The following CILP2 variants were observed in gnomAD, a reference collection of about 807,000 sequenced individuals.
The protein encoded by CILP2 is CILP-2.
In CILP2, 38 loss-of-function variants were observed where a neutral mutation model predicts 45.6. The observed-to-expected ratio is 0.83, with a 90% CI of 0.64 to 1.09. The LOEUF is 1.09. Among genes scored for constraint, CILP2 ranks in the 50% least tolerant of loss-of-function variants. The pLI is 0.00. For synonymous variants in CILP2, 780 were observed against 723.5 expected, an observed-to-expected ratio of 1.08 and a Z score of -1.25; for missense variants, 1,735 against 1,662.2, an observed-to-expected ratio of 1.04 and a Z score of -0.76.
chr19:19,543,094 T>C, intron 6 of CILP2, 122 bp downstream of exon 6: 1 of 986,402 alleles, frequency 1.0e-6, no homozygotes, highest in Non-Finnish European at 1.5e-6. Context: ...ATGAATTGGG[T>C]GGGAGAGGGA....
Position 19,541,083 on chromosome 19 carries a change from T to G in CILP2, c.437-8T>G. 7.9e-7 allele frequency: 1 copy of G among 1,260,376 alleles called. No individual in the cohort carries two copies. Among genetic ancestry groups the G allele is most frequent in the Non-Finnish European group, 1.0e-6 (1 of 1,002,484 alleles). The allele number at this position is 1,260,376 out of a possible 1,614,324, so 78.1% of individuals were successfully genotyped here. On this transcript the variant is annotated splice_region_variant and splice_polypyrimidine_tract_variant and intron_variant, in intron 3 of 7. Coordinates refer to ENST00000291495, the MANE Select transcript of CILP2 (RefSeq NM_153221.2). ...CGGCCACCTGATCTCCGTCCCTGCC[T>G]TCCGCAGAAGCCTCGTGGGGCGCGT...
chr19:19,545,868 C>T lies in CILP2; in HGVS notation c.3323C>T (p.Pro1108Leu), dbSNP rs750523650. The T allele has an allele frequency of 1.9e-6, 3 of 1,587,060 alleles. No individual in the cohort carries two copies. The highest frequency in any genetic ancestry group is 2.6e-6 in the Non-Finnish European group (3 of 1,161,318). Residue 1108 changes from proline (P) to leucine (L), a missense_variant, in exon 8 of 8, where the codon CCG becomes CTG. Pro to Leu is a moderately conservative substitution (Grantham distance 98). Transcript: ENST00000291495. ...TAVTFQCREP[P>L]AGRPSLFQRL... Reference sequence around the variant, plus strand: ...GTCACCTTCCAGTGCCGGGAGCCACCGGCCGGACGACCCAGCCTCTTCCAG... The same window carrying T: ...GTCACCTTCCAGTGCCGGGAGCCACTGGCCGGACGACCCAGCCTCTTCCAG...
chr19:19,540,031 G>A (rs1307010568), intron 2 of CILP2, among the ~76,000 whole-genome samples, 173 bp from the exon 3 acceptor site: 1 of 152,242 alleles, frequency 6.6e-6, no homozygotes, highest in East Asian at 1.9e-4. Context: ...CTGGGGTCGC[G>A]GGGAACCCAG....
At chr19:19,540,030 C>A (rs1238507166) in intron 2 of CILP2, among the ~76,000 whole-genome samples, 174 bp from the exon 3 acceptor site, 1 of 152,238 alleles carries the variant, frequency 6.6e-6, no homozygotes, top group African/African-American at 2.4e-5. Context: ...ACTGGGGTCG[C>A]GGGGAACCCA....
In CILP2 at chr19:19,545,542, G is replaced by A; in HGVS notation, c.2997G>A (p.Leu999=). ...TGGAGTTCAAGTGCAGCGGGATGCTGTTCGACCAGCGGCAGGTGGACAGGA... is the reference window on the plus strand; with the variant it reads ...TGGAGTTCAAGTGCAGCGGGATGCTATTCGACCAGCGGCAGGTGGACAGGA... ...ACVEFKCSGM[L]FDQRQVDRTL... The change falls in exon 8 of 8, where the codon CTG becomes CTA. Residue 999 remains leucine (L), a synonymous_variant. Coordinates refer to ENST00000291495, the MANE Select transcript of CILP2 (RefSeq NM_153221.2). 1 of 1,612,552 alleles carries A rather than the reference G, an allele frequency of 6.2e-7. No homozygotes were observed. Among genetic ancestry groups the A allele is most frequent in the Non-Finnish European group, 8.5e-7 (1 of 1,179,750 alleles).
intron 3 of CILP2, 92 bp downstream of exon 3, chr19:19,540,568 G>A (rs1250571479): frequency 6.6e-6 from 5 of 761,750 alleles, no homozygotes; most frequent in East Asian, 1.0e-4. Context: ...GCTGGGAGGG[G>A]CAGGACCGTG....
At position 19,545,184 on chromosome 19, in the gene CILP2, C is replaced by T; in HGVS notation, c.2639C>T (p.Pro880Leu). The T allele has an allele frequency of 6.2e-7, 1 of 1,612,720 alleles. No homozygotes were observed. Among genetic ancestry groups the T allele is most frequent in the Non-Finnish European group, 8.5e-7 (1 of 1,179,860 alleles). The change falls in exon 8 of 8, where the codon CCG becomes CTG. Residue 880 changes from proline (P) to leucine (L), a missense_variant. Coordinates refer to ENST00000291495, the MANE Select transcript of CILP2 (RefSeq NM_153221.2). Reference sequence around the variant, plus strand: ...GCCGAGGCCAATGGGCCTGTGTACCCGTGGCGCAGCCTGCGGGAATGCCAG... The same window carrying T: ...GCCGAGGCCAATGGGCCTGTGTACCTGTGGCGCAGCCTGCGGGAATGCCAG... ...DPAEANGPVY[P>L]WRSLRECQGA...
intron 1 of CILP2, among the ~76,000 whole-genome samples, chr19:19,539,452 T>C (rs563705480): frequency 6.6e-6 from 1 of 151,182 alleles, no homozygotes; most frequent in East Asian, 2.0e-4. Context: ...TAATCCCAGC[T>C]ACTCAGGAGG....
intron 6 of CILP2, 87 bp downstream of exon 6, chr19:19,543,059 A>T: frequency 9.6e-7 from 1 of 1,046,712 alleles, no homozygotes; most frequent in Non-Finnish European, 1.4e-6. Context: ...TCCCATCTGG[A>T]GAGTGGGGAA....
In CILP2 at chr19:19,538,317, C is replaced by A; in HGVS notation, c.-33C>A. On this transcript the variant is annotated 5_prime_UTR_variant, in exon 1 of 8. Coordinates refer to ENST00000291495, the MANE Select transcript of CILP2 (RefSeq NM_153221.2). ...AGTTGGACCCGAGCACGCCGCGGAG[C>A]CCGGACCCTCCCTCGGACGCTCTGC... The A allele has an allele frequency of 1.3e-6, 2 of 1,555,878 alleles. No individual in the cohort carries two copies. The highest frequency in any genetic ancestry group is 1.7e-6 in the Non-Finnish European group (2 of 1,158,562).
In CILP2 at chr19:19,546,038, C is replaced by T; in HGVS notation, c.*22C>T. On this transcript the variant is annotated 3_prime_UTR_variant, in exon 8 of 8. Transcript: ENST00000291495. The stretch of plus-strand genomic sequence containing the variant: ...GTGACCTGGGCAGGGGCCTCGCTTT[C>T]CCACCTCCCTCCAGACTCCTTTGAC... 1.4e-6 allele frequency: 2 copies of T among 1,432,918 alleles called. No individual in the cohort carries two copies. The highest frequency in any genetic ancestry group is 1.8e-6 in the Non-Finnish European group (2 of 1,095,982). 88.8% of individuals were successfully genotyped at this position (1,432,918 alleles called of 1,614,324 possible).
chr19:19,545,476 T>A lies in CILP2; in HGVS notation c.2931T>A (p.Ser977Arg). 1 of 1,612,146 alleles carries A rather than the reference T, an allele frequency of 6.2e-7. No homozygotes were observed. The highest frequency in any genetic ancestry group is 8.5e-7 in the Non-Finnish European group (1 of 1,179,638). The change falls in exon 8 of 8, where the codon AGT becomes AGA. Residue 977 changes from serine to arginine, a missense_variant. Coordinates refer to ENST00000291495, the MANE Select transcript of CILP2 (RefSeq NM_153221.2). ...GQLYGLRDAR[S>R]VRDPERPGTS... ...TCTACGGACTTCGGGATGCCCGGAG[T>A]GTGCGAGACCCCGAGCGTCCGGGCA... is the stretch of plus-strand genomic sequence containing the variant.
chr19:19,543,429 C>T (rs749573038), intron 7 of CILP2, 24 bp downstream of exon 7: 11 of 1,611,116 alleles, frequency 6.8e-6, no homozygotes, highest in African/African-American at 2.7e-5. Flanking sequence ...GCCACAGCCC[C>T]GAGCAAGCCT....
At chr19:19,543,515 GGCCTCCACTGA>G in intron 7 of CILP2, 110 bp downstream of exon 7, 1 of 1,412,340 alleles carries the variant, frequency 7.1e-7, no homozygotes, top group Non-Finnish European at 9.8e-7. Context: ...TCCAATCCTA[GGCCTCCACTGA>G]GCCCCCATAC....
Position 19,542,508 on chromosome 19 carries a change from T to A in CILP2, c.726T>A (p.Ala242=). 1 of 1,613,930 alleles carries A rather than the reference T, an allele frequency of 6.2e-7. No individual in the cohort carries two copies. The highest frequency in any genetic ancestry group is 8.5e-7 in the Non-Finnish European group (1 of 1,180,038). ...DQPGTVATSD[A]HGTFRVPGVC... is the part of the protein sequence containing the mutation. ...CTGGCACTGTGGCCACCAGCGATGC[T>A]CACGGAACCTTCCGGGTGCCTGGTG... The change falls in exon 5 of 8, where the codon GCT becomes GCA. Residue 242 remains alanine (A), a synonymous_variant. Transcript: ENST00000291495.
chr19:19,545,175 C>T lies in CILP2; in HGVS notation c.2630C>T (p.Pro877Leu). Residue 877 changes from proline to leucine, a missense_variant, in exon 8 of 8, where the codon CCT (proline) becomes CTT (leucine). Pro to Leu is a moderately conservative substitution (Grantham distance 98). Coordinates refer to ENST00000291495, the MANE Select transcript of CILP2 (RefSeq NM_153221.2). ...RPGDPAEANGPVYPWRSLREC... is the reference protein window; with the variant it reads ...RPGDPAEANGLVYPWRSLREC... Reference sequence around the variant, plus strand: ...GGTGACCCCGCCGAGGCCAATGGGCCTGTGTACCCGTGGCGCAGCCTGCGG... The same window carrying T: ...GGTGACCCCGCCGAGGCCAATGGGCTTGTGTACCCGTGGCGCAGCCTGCGG... 1 of 1,612,784 alleles carries T rather than the reference C, an allele frequency of 6.2e-7. No individual in the cohort carries two copies. The highest frequency in any genetic ancestry group is 2.2e-5 in the East Asian group (1 of 44,876).
chr19:19,542,291 T>C (rs1353551203), intron 4 of CILP2, 84 bp from the exon 5 acceptor site: 4 of 1,493,464 alleles, frequency 2.7e-6, no homozygotes, highest in Middle Eastern at 1.8e-4. Flanking sequence ...GGCATATTTG[T>C]TGAGTGACTG....
At chr19:19,542,713 T>C (rs1323501879) in intron 5 of CILP2, 63 bp downstream of exon 5, 21 of 1,495,242 alleles carry the variant, frequency 1.4e-5, no homozygotes, top group Non-Finnish European at 1.9e-5. Flanking sequence ...GTTCTAGCAC[T>C]CGATCAAGAG....
Position 19,546,351 on chromosome 19 carries a change from T to G in CILP2, c.*335T>G. 3.5e-5 allele frequency: 7 copies of G among 199,574 alleles called. No homozygotes were observed. Among genetic ancestry groups the G allele is most frequent in the South Asian group, 1.8e-4 (1 of 5,646 alleles). The allele number at this position is 199,574 out of a possible 1,614,324, so 12.4% of individuals were successfully genotyped here. A position where few individuals can be genotyped will look rare whatever the true frequency, so the allele number is the denominator to read the frequency against. ...TATTTTGACCCTGATTTCAATCTTC[T>G]ACCCTTGGGAGTTCTGGCGTTTGGC... is the stretch of plus-strand genomic sequence containing the variant. On this transcript the variant is annotated 3_prime_UTR_variant, in exon 8 of 8. Transcript: ENST00000291495.
Sources: gnomAD v4.1 joint callset for allele counts (sites outside exome capture counted in the v4.1 genomes callset) on GRCh38, gnomAD v4.1.1 for gene constraint, MANE v1.5 for transcripts, NCBI Gene and HGNC (gene_info 2026-07-23, HGNC 2026-07-21) for gene names.